Variants in CSGALNACT2 observed in about 807,000 individuals in gnomAD.
The protein encoded by CSGALNACT2 is beta 4 GalNAcT-2.
CSGALNACT2 carries 35 observed loss-of-function variants against 55.3 expected under a neutral mutation model. That is an observed-to-expected ratio of 0.63 (90% CI 0.48 to 0.84). CSGALNACT2 has a LOEUF of 0.84. CSGALNACT2 is among the 40% of genes least tolerant of loss of function. The pLI is 0.00. For missense variants in CSGALNACT2, 544 were observed against 657.5 expected (o/e 0.83, Z 1.89); for synonymous variants, 196 against 224.9 (o/e 0.87, Z 1.15).
chr10:43,139,936 CT>C (rs1317622220), intron 1 of CSGALNACT2, among the ~76,000 whole-genome samples: 5 of 152,236 alleles, frequency 3.3e-5, no homozygotes, highest in Non-Finnish European at 7.3e-5. Flanking sequence ...TGGCTCAGGC[CT>C]TTTATCCCAG....
rs1839123316 is a variant in CSGALNACT2, at chr10:43,160,546, G to A, written c.931G>A (p.Gly311Ser). 6.3e-7 allele frequency: 1 copy of A among 1,598,392 alleles called. No individual in the cohort carries two copies. Among genetic ancestry groups the A allele is most frequent in the Non-Finnish European group, 8.6e-7 (1 of 1,166,654 alleles). ...KKIHLTVVYF[G>S]KEGLSKVKSI... The stretch of plus-strand genomic sequence containing the variant: ...GATTCATCTCACAGTGGTGTATTTT[G>A]GTAAAGAAGGACTGTCTAAAGTCAA... Residue 311 changes from glycine (G) to serine (S), a missense_variant, in exon 4 of 8, where the codon GGT (glycine) becomes AGT (serine). Coordinates refer to ENST00000374466, the MANE Select transcript of CSGALNACT2 (RefSeq NM_018590.5).
chr10:43,150,149 T>C (rs1838845575), intron 1 of CSGALNACT2, among the ~76,000 whole-genome samples: 1 of 152,202 alleles, frequency 6.6e-6, no homozygotes, highest in South Asian at 2.1e-4. Flanking sequence ...TCATTGTGAG[T>C]AGTTTTTTTA....
chr10:43,168,625 T>G (rs1469316542), intron 6 of CSGALNACT2, among the ~76,000 whole-genome samples: 2 of 151,876 alleles, frequency 1.3e-5, no homozygotes, highest in African/African-American at 4.8e-5. Flanking sequence ...TAACATATTT[T>G]ATGAGGCCAC....
chr10:43,144,099 A>G (rs964777024), intron 1 of CSGALNACT2, among the ~76,000 whole-genome samples: 2 of 152,262 alleles, frequency 1.3e-5, no homozygotes, highest in African/African-American at 4.8e-5. Flanking sequence ...ACTCAAAATT[A>G]TAAATTTAGT....
intron 2 of CSGALNACT2, 112 bp downstream of exon 2, chr10:43,155,922 T>C: frequency 1.1e-6 from 1 of 941,440 alleles, no homozygotes; most frequent in East Asian, 2.6e-5. Context: ...TATTGTATTG[T>C]AGACAAATGT....
intron 6 of CSGALNACT2, among the ~76,000 whole-genome samples, chr10:43,169,118 G>A (rs1042965218): frequency 1.1e-4 from 17 of 152,286 alleles, no homozygotes; most frequent in Admixed American, 2.6e-4. Flanking sequence ...GAGGCTGGTC[G>A]GGGTGGCTAG....
At chr10:43,182,892 A>G (rs1027350454) in intron 7 of CSGALNACT2, among the ~76,000 whole-genome samples, 1 of 152,040 alleles carries the variant, frequency 6.6e-6, no homozygotes, top group Non-Finnish European at 1.5e-5. Context: ...AAAACAAAAA[A>G]AAAAAGAAAA....
chr10:43,150,048 C>T (rs943579854), intron 1 of CSGALNACT2, among the ~76,000 whole-genome samples: 1 of 152,126 alleles, frequency 6.6e-6, no homozygotes, highest in Non-Finnish European at 1.5e-5. Flanking sequence ...GCCTGGGCAA[C>T]AAGAGCGAAA....
intron 1 of CSGALNACT2, among the ~76,000 whole-genome samples, chr10:43,141,516 C>T (rs1838622510): frequency 6.8e-6 from 1 of 147,194 alleles, no homozygotes. Flanking sequence ...CACCTGGCCA[C>T]AAATCATTTT....
At chr10:43,170,081 A>G (rs889934992) in intron 6 of CSGALNACT2, among the ~76,000 whole-genome samples, 3 of 152,238 alleles carry the variant, frequency 2.0e-5, no homozygotes, top group African/African-American at 7.2e-5. Flanking sequence ...AACCAAAAAA[A>G]TTAAGTCTAA....
chr10:43,154,064 C>G (rs1588897087), intron 1 of CSGALNACT2, among the ~76,000 whole-genome samples: 1 of 152,078 alleles, frequency 6.6e-6, no homozygotes, highest in South Asian at 2.1e-4. Flanking sequence ...GTTGTTCTTT[C>G]CCCCACTTAA....
chr10:43,177,079 T>G (rs1412263236), intron 7 of CSGALNACT2, among the ~76,000 whole-genome samples: 1 of 152,188 alleles, frequency 6.6e-6, no homozygotes, highest in African/African-American at 2.4e-5. Flanking sequence ...CCACCTTGTC[T>G]CCTTATCATT....
chr10:43,175,910 A>G (rs1260033935), intron 6 of CSGALNACT2, 41 bp from the exon 7 acceptor site: 1 of 1,507,352 alleles, frequency 6.6e-7, no homozygotes, highest in East Asian at 2.3e-5. Flanking sequence ...TCTGCTTCTT[A>G]TGGAATTAAA....
At chr10:43,169,331 G>T (rs1839339220) in intron 6 of CSGALNACT2, among the ~76,000 whole-genome samples, 1 of 152,106 alleles carries the variant, frequency 6.6e-6, no homozygotes, top group South Asian at 2.1e-4. Context: ...TATGAAAGAG[G>T]CACCAAGTGT....
intron 6 of CSGALNACT2, 58 bp from the exon 7 acceptor site, chr10:43,175,893 T>C: frequency 6.9e-7 from 1 of 1,453,690 alleles, no homozygotes; most frequent in Non-Finnish European, 9.4e-7. Flanking sequence ...CATCGTTGAT[T>C]AAAACTTCTG....
chr10:43,184,765 A>G lies in CSGALNACT2; in HGVS notation c.*1223A>G, dbSNP rs1318000636. 6.6e-6 allele frequency: 1 copy of G among 152,222 alleles called. No individual in the cohort carries two copies. The highest frequency in any genetic ancestry group is 1.5e-5 in the Non-Finnish European group (1 of 68,018). The allele number at this position is 152,222 out of a possible 1,614,324, so 9.4% of individuals were successfully genotyped here. A position where few individuals can be genotyped will look rare whatever the true frequency, so the allele number is the denominator to read the frequency against. ...GCACTACATTATTTGTCACACATGG[A>G]TCTGTTACCATCAGGTCAATTCCTA... On this transcript the variant is annotated 3_prime_UTR_variant, in exon 8 of 8. Coordinates refer to ENST00000374466, the MANE Select transcript of CSGALNACT2 (RefSeq NM_018590.5).
intron 1 of CSGALNACT2, among the ~76,000 whole-genome samples, chr10:43,142,818 C>T (rs947448505): frequency 5.3e-5 from 8 of 152,252 alleles, no homozygotes; most frequent in Middle Eastern, 3.4e-3. Flanking sequence ...CAAGAATTAG[C>T]TATCTATTTG....
intron 7 of CSGALNACT2, among the ~76,000 whole-genome samples, chr10:43,180,975 T>C (rs1015523863): frequency 2.6e-5 from 4 of 152,224 alleles, no homozygotes; most frequent in African/African-American, 9.6e-5. Context: ...GGACAGGCTT[T>C]GTTAATAATG....
chr10:43,171,354 CTTT>C (rs755082076), intron 6 of CSGALNACT2, among the ~76,000 whole-genome samples: 1 of 142,134 alleles, frequency 7.0e-6, no homozygotes. Flanking sequence ...TGCTAATACT[CTTT>C]TTTTTTTTTT....
Sources: allele counts gnomAD v4.1 joint callset (sites outside exome capture counted in the v4.1 genomes callset), GRCh38; gene constraint gnomAD v4.1.1; transcripts MANE v1.5; gene names NCBI Gene and HGNC (gene_info 2026-07-23, HGNC 2026-07-21).